The following IRF7 variants were observed in gnomAD, a reference collection of about 807,000 sequenced individuals.
The protein encoded by IRF7 is interferon regulatory factor 7.
IRF7 carries 67 observed loss-of-function variants against 51.3 expected under a neutral mutation model. The observed-to-expected ratio is 1.31, with a 90% CI of 1.07 to 1.60. The LOEUF is 1.60. Ranked by LOEUF, IRF7 falls within the 40% of genes most tolerant of loss-of-function variation. The pLI is 0.00. For missense variants in IRF7, 873 were observed against 701.5 expected (o/e 1.24, Z -2.76); for synonymous variants, 427 against 301.3 (o/e 1.42, Z -4.32).
rs774240915 is a variant in IRF7 at position 614,786 on chromosome 11, G to A, written c.394+11C>T. The A allele has an allele frequency of 5.2e-6, 8 of 1,531,146 alleles. No homozygotes were observed. In the South Asian group the frequency reaches 9.7e-5, roughly 19 times the overall value. The allele number at this position is 1,531,146 out of a possible 1,614,324, so 94.8% of individuals were successfully genotyped here. A position where few individuals can be genotyped will look rare whatever the true frequency, so the allele number is the denominator to read the frequency against. ...CGAATGCCAACGCCCTTGGCAGCCGGCGTCGCTCACCTCGCCAGCACAGCT... is the reference window on the plus strand; with the variant it reads ...CGAATGCCAACGCCCTTGGCAGCCGACGTCGCTCACCTCGCCAGCACAGCT... On this transcript the variant is annotated intron_variant, in intron 4 of 10. Coordinates refer to ENST00000525445, the MANE Select transcript of IRF7 (RefSeq NM_001572.5).
At position 615,520 on chromosome 11, in the gene IRF7, G is replaced by A. The variant is rs1328625860; in HGVS notation, c.-156C>T. The A allele has an allele frequency of 3.7e-6, 3 of 806,514 alleles. No individual in the cohort carries two copies. Among genetic ancestry groups the A allele is most frequent in the East Asian group, 2.8e-5 (1 of 35,254 alleles). The allele number at this position is 806,514 out of a possible 1,614,324, so 50.0% of individuals were successfully genotyped here. A position where few individuals can be genotyped will look rare whatever the true frequency, so the allele number is the denominator to read the frequency against. Reference sequence around the variant, plus strand: ...GGACTGAGGGCTTGTAGCCACCGACGCTGCCTCGGTATGGATCTCTTGGCA... The same window carrying A: ...GGACTGAGGGCTTGTAGCCACCGACACTGCCTCGGTATGGATCTCTTGGCA... On this transcript the variant is annotated 5_prime_UTR_variant, in exon 2 of 11. Transcript: ENST00000525445.
chr11:613,452 A>G lies in IRF7; in HGVS notation c.991T>C (p.Phe331Leu). The change falls in exon 9 of 11, where the codon TTC (phenylalanine) becomes CTC (leucine). Residue 331 changes from phenylalanine to leucine, a missense_variant. Phe to Leu is a conservative substitution (Grantham distance 22). Transcript: ENST00000525445. ...TCCGGGAGCTCGGCAGGGCTGGGGA[A>G]TGCTACCTGCTGGGGGTCTGTGGCC... is the stretch of plus-strand genomic sequence containing the variant. ...VRATDPQQVA[F>L]PSPAELPDQK... 1.3e-6 allele frequency: 2 copies of G among 1,551,646 alleles called. No homozygotes were observed. Among genetic ancestry groups the G allele is most frequent in the Non-Finnish European group, 1.7e-6 (2 of 1,149,176 alleles).
intron 4 of IRF7, 54 bp from the exon 5 acceptor site, chr11:614,588 G>A (rs1381763707): frequency 1.3e-6 from 2 of 1,540,964 alleles, no homozygotes; most frequent in Middle Eastern, 1.7e-4. Flanking sequence ...AGAGATACAA[G>A]GAGAGCCTGG....
chr11:613,036 G>A lies in IRF7; in HGVS notation c.1319C>T (p.Ala440Val), dbSNP rs1310037828. 1 of 1,613,150 alleles carries A rather than the reference G, an allele frequency of 6.2e-7. No homozygotes were observed. The highest frequency in any genetic ancestry group is 1.1e-5 in the South Asian group (1 of 91,084). The change falls in exon 10 of 11, where the codon GCT becomes GTT. Residue 440 changes from alanine (A) to valine (V), a missense_variant. Transcript: ENST00000525445. ...IYLGFGQDLS[A>V]GRPKEKSLVL... is the part of the protein sequence containing the mutation. ...CAGGCTCTTCTCCTTGGGCCTCCCAGCTGACAGGTCCTGCCCGAAGCCCAG... is the reference window on the plus strand; with the variant it reads ...CAGGCTCTTCTCCTTGGGCCTCCCAACTGACAGGTCCTGCCCGAAGCCCAG...
At position 613,547 on chromosome 11, in the gene IRF7, G is replaced by A; in HGVS notation, c.896C>T (p.Thr299Met). 2.5e-6 allele frequency: 4 copies of A among 1,578,138 alleles called. No homozygotes were observed. Among genetic ancestry groups the A allele is most frequent in the South Asian group, 1.2e-5 (1 of 85,018 alleles). The change falls in exon 9 of 11, where the codon ACG (threonine) becomes ATG (methionine). Residue 299 changes from threonine (T) to methionine (M), a missense_variant. Transcript: ENST00000525445. ...GTGTCCCACCACCTTCTGCAGCACC[G>A]TGCGGCCCTTGTACATGATGGTCAC... ...LDVTIMYKGR[T>M]VLQKVVGHPS...
chr11:612,947 C>CT, intron 10 of IRF7, 52 bp downstream of exon 10: 1 of 1,592,222 alleles, frequency 6.3e-7, no homozygotes, highest in Non-Finnish European at 8.6e-7. Context: ...CATCAGGCGT[C>CT]TGTCAGTGGG....
Position 613,381 on chromosome 11 carries a change from G to A in IRF7, c.1062C>T (p.Ala354=). 4 of 1,603,304 alleles carry A rather than the reference G, an allele frequency of 2.5e-6. No individual in the cohort carries two copies. The highest frequency in any genetic ancestry group is 3.4e-6 in the Non-Finnish European group (4 of 1,176,460). ...CCCGAAGCTCCAGGTGCAACCCAGGGGCCACGTGCCGCAGCAGTTCCTCCG... is the reference window on the plus strand; with the variant it reads ...CCCGAAGCTCCAGGTGCAACCCAGGAGCCACGTGCCGCAGCAGTTCCTCCG... ...RYTEELLRHV[A]PGLHLELRGP... The change falls in exon 9 of 11, where the codon GCC becomes GCT. Residue 354 remains alanine, a synonymous_variant. Coordinates refer to ENST00000525445, the MANE Select transcript of IRF7 (RefSeq NM_001572.5).
Position 615,327 on chromosome 11 carries a change from G to C in IRF7, c.20+18C>G, listed in dbSNP as rs770474804. On this transcript the variant is annotated intron_variant, in intron 2 of 10. Transcript: ENST00000525445. The stretch of plus-strand genomic sequence containing the variant: ...CGCTCGGGGACTGGCATCTGGAGAG[G>C]GTGGGCCGGGCTCTTACCTCTCAGG... 2 of 1,553,882 alleles carry C rather than the reference G, an allele frequency of 1.3e-6. No individual in the cohort carries two copies. Among genetic ancestry groups the C allele is most frequent in the Non-Finnish European group, 1.7e-6 (2 of 1,154,738 alleles).
rs1856717343 is a variant in IRF7, at chr11:614,725, C to G, written c.394+72G>C. The G allele has an allele frequency of 3.9e-5, 58 of 1,473,502 alleles. No homozygotes were observed. The South Asian group carries it at 7.5e-4, about 19-fold the overall frequency. 91.3% of individuals were successfully genotyped at this position (1,473,502 alleles called of 1,614,324 possible). ...CAGAACAGCTTCTAAAACCACAAAT[C>G]TGACCCAGAGAATGTTCCCCTTTGC... On this transcript the variant is annotated intron_variant, in intron 4 of 10. Coordinates refer to ENST00000525445, the MANE Select transcript of IRF7 (RefSeq NM_001572.5).
chr11:615,763 G>A (rs1856814724), intron 1 of IRF7, 116 bp from the exon 2 acceptor site: 2 of 213,132 alleles, frequency 9.4e-6, no homozygotes, highest in Middle Eastern at 1.3e-3. Context: ...TCAGCTCCGC[G>A]GAACCCCGCC....
Position 615,181 on chromosome 11 carries a change from C to G in IRF7, c.99G>C (p.Leu33=). 2 of 1,603,932 alleles carry G rather than the reference C, an allele frequency of 1.2e-6. No homozygotes were observed. Among genetic ancestry groups the G allele is most frequent in the Non-Finnish European group, 8.5e-7 (1 of 1,178,754 alleles). The change falls in exon 3 of 11, where the codon CTG becomes CTC. Residue 33 remains leucine (L), a synonymous_variant. Coordinates refer to ENST00000525445, the MANE Select transcript of IRF7 (RefSeq NM_001572.5). ...SSGCYEGLQW[L]DEARTCFRVP... Reference sequence around the variant, plus strand: ...CGCGGAAACAGGTGCGGGCCTCGTCCAGCCACTGCAGCCCCTCATAGCAGC... The same window carrying G: ...CGCGGAAACAGGTGCGGGCCTCGTCGAGCCACTGCAGCCCCTCATAGCAGC...
At chr11:613,674 GTGAGTGACGGGGGTGGGCGGGGACAGGA>G (rs1856597148) in intron 8 of IRF7, 79 bp from the exon 9 acceptor site, 1 of 527,032 alleles carries the variant, frequency 1.9e-6, no homozygotes, top group African/African-American at 3.0e-5. Context: ...GGGACAGGAT[GTGAGTGACGGGGGTGGGCGGGGACAGGA>G]TGTGAGTGAT....
chr11:613,228 G>C lies in IRF7; in HGVS notation c.1215C>G (p.Phe405Leu), dbSNP rs781777277. The change falls in exon 9 of 11, where the codon TTC (phenylalanine) becomes TTG (leucine). Residue 405 changes from phenylalanine (F) to leucine (L), a missense_variant. Phe to Leu is a conservative substitution (Grantham distance 22). Coordinates refer to ENST00000525445, the MANE Select transcript of IRF7 (RefSeq NM_001572.5). ...LLPRNCDTPI[F>L]DFRVFFQELV... Reference sequence around the variant, plus strand: ...GACCTTGGAAGAAGACTCTGAAGTCGAAGATGGGGGTGTCACAGTTCCGAG... The same window carrying C: ...GACCTTGGAAGAAGACTCTGAAGTCCAAGATGGGGGTGTCACAGTTCCGAG... 1 of 1,590,984 alleles carries C rather than the reference G, an allele frequency of 6.3e-7. No homozygotes were observed.
rs1415687776 is a variant in IRF7, at chr11:614,798, T to C, written c.393A>G (p.Arg131=). The C allele has an allele frequency of 6.5e-7, 1 of 1,540,154 alleles. No homozygotes were observed. The highest frequency in any genetic ancestry group is 1.4e-5 in the African/African-American group (1 of 72,678). Residue 131 remains arginine (R), a splice_region_variant and synonymous_variant, in exon 4 of 11, where the codon CGA becomes CGG. Transcript: ENST00000525445. ...VYALSRELCW[R]EGPGTDQTEA... ...CCCTTGGCAGCCGGCGTCGCTCACC[T>C]CGCCAGCACAGCTCCCGGCTGAGCG...
At chr11:614,578 A>G (rs1856706322) in intron 4 of IRF7, 44 bp from the exon 5 acceptor site, 4 of 1,545,952 alleles carry the variant, frequency 2.6e-6, no homozygotes, top group East Asian at 2.4e-5. Context: ...CACCAGAGTG[A>G]GAGATACAAG....
At chr11:612,910 C>T in intron 10 of IRF7, 89 bp downstream of exon 10, 1 of 1,584,784 alleles carries the variant, frequency 6.3e-7, no homozygotes, top group South Asian at 1.1e-5. Flanking sequence ...GTATGGCCTC[C>T]CCTCCCCCTC....
rs1264475945 is a variant in IRF7 at position 615,164 on chromosome 11, C to G, written c.116G>C (p.Cys39Ser). The change falls in exon 3 of 11, where the codon TGT becomes TCT. Residue 39 changes from cysteine to serine, a missense_variant. Physicochemically the swap from Cys to Ser is moderately radical, Grantham distance 112. Transcript: ENST00000525445. ...GAAGTGCTTCCAGGGCACGCGGAAA[C>G]AGGTGCGGGCCTCGTCCAGCCACTG... Reference protein sequence around the residue: ...GLQWLDEARTCFRVPWKHFAR... With the variant: ...GLQWLDEARTSFRVPWKHFAR... 1 of 1,604,320 alleles carries G rather than the reference C, an allele frequency of 6.2e-7. No homozygotes were observed. The highest frequency in any genetic ancestry group is 8.5e-7 in the Non-Finnish European group (1 of 1,179,116).
chr11:614,745 C>A, intron 4 of IRF7, 52 bp downstream of exon 4: 1 of 1,498,772 alleles, frequency 6.7e-7, no homozygotes, highest in Non-Finnish European at 8.9e-7. Flanking sequence ...GAATGTTCCC[C>A]TTTGCCCAAG....
chr11:612,695 G>T lies in IRF7; in HGVS notation c.1462C>A (p.Leu488Ile), dbSNP rs1273451178. 3 of 1,613,226 alleles carry T rather than the reference G, an allele frequency of 1.9e-6. No homozygotes were observed. Among genetic ancestry groups the T allele is most frequent in the South Asian group, 2.2e-5 (2 of 91,090 alleles). The change falls in exon 11 of 11, where the codon CTC becomes ATC. Residue 488 changes from leucine (L) to isoleucine (I), a missense_variant. Physicochemically the swap from Leu to Ile is conservative, Grantham distance 5. Transcript: ENST00000525445. ...LSLCLSSANS[L>I]YDDIECFLME... The stretch of plus-strand genomic sequence containing the variant: ...AGGAAGCACTCGATGTCGTCATAGA[G>T]GCTGTTGGCGCTGGACAGGCAGAGG...
Sources: gnomAD v4.1 joint callset for allele counts on GRCh38, gnomAD v4.1.1 for gene constraint, MANE v1.5 for transcripts, NCBI Gene and HGNC (gene_info 2026-07-23, HGNC 2026-07-21) for gene names.